Variants in CYTH3 observed in about 807,000 individuals in gnomAD.
CYTH3 encodes cytohesin 3.
CYTH3 carries 23 observed loss-of-function variants against 55.1 expected under a neutral mutation model. The observed-to-expected ratio is 0.42, with a 90% CI of 0.30 to 0.59. The LOEUF is 0.59. Among genes scored for constraint, CYTH3 ranks in the 20% least tolerant of loss-of-function variants. The probability of loss-of-function intolerance (pLI) is 0.20; values close to 1 mark genes in which losing one functional copy is unlikely to be tolerated. For synonymous variants in CYTH3, 249 were observed against 194.9 expected (o/e 1.28, Z -2.31); for missense variants, 413 against 524.8 (o/e 0.79, Z 2.08).
In CYTH3 at chr7:6,259,824, ATATATATAT is replaced by A. The variant is rs1780299928; in HGVS notation, c.34+12641_34+12649del. The stretch of plus-strand genomic sequence containing the variant: ...ATATATATATATATAATATATATAT[ATATATATAT>A]TTTTTTTTTTTTTTAAGACGGATTT... On this transcript the variant is annotated intron_variant, in intron 1 of 12. Coordinates refer to ENST00000350796, the MANE Select transcript of CYTH3 (RefSeq NM_004227.4). 3.7e-4 allele frequency among the ~76,000 whole-genome samples: 9 copies of A among 24,252 alleles called. No individual in the cohort carries two copies. In the South Asian group the frequency reaches 6.3e-3, roughly 17 times the overall value. The allele number at this position is 24,252 out of a possible 152,430, so 15.9% of individuals were successfully genotyped here.
rs780628614 is a variant in CYTH3, at chr7:6,172,771, G to A, written c.449+882C>T. The A allele has an allele frequency of 1.7e-5, 22 of 1,264,072 alleles. 1 individual carries two copies. The highest frequency in any genetic ancestry group is 2.5e-4 in the Middle Eastern group (1 of 4,010). 78.3% of individuals were successfully genotyped at this position (1,264,072 alleles called of 1,614,324 possible). On this transcript the variant is annotated intron_variant, in intron 6 of 12. Transcript: ENST00000350796. ...CTCTGGATGTACAGCTTCCAGAAACGCAATCTGATAAGCCTGAACTGCGGC... is the reference window on the plus strand; with the variant it reads ...CTCTGGATGTACAGCTTCCAGAAACACAATCTGATAAGCCTGAACTGCGGC...
At chr7:6,223,324 A>G (rs975959319) in intron 1 of CYTH3, among the ~76,000 whole-genome samples, 6 of 152,242 alleles carry the variant, frequency 3.9e-5, no homozygotes, top group African/African-American at 1.4e-4. Context: ...AGTGTACCCA[A>G]CAGCTCTGAA....
intron 1 of CYTH3, among the ~76,000 whole-genome samples, chr7:6,201,513 G>A (rs970860794): frequency 3.3e-5 from 5 of 152,156 alleles, no homozygotes; most frequent in East Asian, 1.9e-4. Context: ...TTGGCCACTG[G>A]TGCACCATTA....
chr7:6,210,631 C>T (rs1384570699), intron 1 of CYTH3, among the ~76,000 whole-genome samples: 3 of 152,184 alleles, frequency 2.0e-5, no homozygotes, highest in African/African-American at 7.2e-5. Context: ...AAATCTAAGA[C>T]AGAGTTCATG....
chr7:6,236,236 C>T (rs1402108837), intron 1 of CYTH3, among the ~76,000 whole-genome samples: 1 of 151,972 alleles, frequency 6.6e-6, no homozygotes, highest in East Asian at 1.9e-4. Flanking sequence ...CAGAGTCTTG[C>T]TTTGTTGCCC....
intron 6 of CYTH3, among the ~76,000 whole-genome samples, 173 bp downstream of exon 6, chr7:6,173,480 T>G (rs1356833362): frequency 6.6e-6 from 1 of 152,200 alleles, no homozygotes; most frequent in Non-Finnish European, 1.5e-5. Context: ...AATTCCTGTC[T>G]AGGGCTGCTC....
intron 5 of CYTH3, among the ~76,000 whole-genome samples, chr7:6,175,297 G>T (rs919955795): frequency 6.6e-6 from 1 of 152,026 alleles, no homozygotes; most frequent in Admixed American, 6.6e-5. Context: ...CACCATGCCC[G>T]GCCAGCCTTC....
intron 1 of CYTH3, among the ~76,000 whole-genome samples, chr7:6,194,699 C>T (rs980789336): frequency 6.6e-6 from 1 of 151,242 alleles, no homozygotes; most frequent in Non-Finnish European, 1.5e-5. Flanking sequence ...GTAAATAGGC[C>T]GGGCACGTGG....
At chr7:6,216,559 C>A (rs969379232) in intron 1 of CYTH3, among the ~76,000 whole-genome samples, 1 of 151,530 alleles carries the variant, frequency 6.6e-6, no homozygotes, top group African/African-American at 2.4e-5. Flanking sequence ...GTCAACACCG[C>A]AAGACCCCAT....
chr7:6,263,104 G>C (rs1397660256), intron 1 of CYTH3, among the ~76,000 whole-genome samples: 1 of 152,100 alleles, frequency 6.6e-6, no homozygotes. Flanking sequence ...ATGTCCATCT[G>C]ATTCTCCAAA....
At chr7:6,173,593 C>A in intron 6 of CYTH3, 60 bp downstream of exon 6, 1 of 1,085,144 alleles carries the variant, frequency 9.2e-7, no homozygotes, top group Non-Finnish European at 1.4e-6. Flanking sequence ...CACTGCTGCC[C>A]AGGCAGTGGT....
intron 5 of CYTH3, among the ~76,000 whole-genome samples, chr7:6,175,267 T>C (rs1783315069): frequency 6.6e-6 from 1 of 152,168 alleles, no homozygotes; most frequent in Admixed American, 6.5e-5. Context: ...AATCTGTAAC[T>C]GATGATTAGC....
At chr7:6,190,427 G>GTTTTTTTTT in intron 2 of CYTH3, 22 bp downstream of exon 2, 1 of 1,247,512 alleles carries the variant, frequency 8.0e-7, no homozygotes, top group Non-Finnish European at 1.0e-6. Context: ...TTGGATTTTT[G>GTTTTTTTTT]GTTTTTTTTT....
At chr7:6,267,762 T>G (rs1780538452) in intron 1 of CYTH3, among the ~76,000 whole-genome samples, 1 of 152,190 alleles carries the variant, frequency 6.6e-6, no homozygotes, top group Non-Finnish European at 1.5e-5. Context: ...GACCTCATGA[T>G]CTACCCGCCT....
At chr7:6,253,692 T>G (rs1235139864) in intron 1 of CYTH3, among the ~76,000 whole-genome samples, 1 of 152,124 alleles carries the variant, frequency 6.6e-6, no homozygotes, top group Non-Finnish European at 1.5e-5. Flanking sequence ...AGTAGGCACC[T>G]GTAGTCCCAG....
Position 6,261,928 on chromosome 7 carries a change from T to A in CYTH3, c.34+10546A>T, listed in dbSNP as rs376946229. ...CTTACAAGGCATCCAAATATCGGAG[T>A]TATCAGACACAGACTTTAAAATAAC... On this transcript the variant is annotated intron_variant, in intron 1 of 12. Coordinates refer to ENST00000350796, the MANE Select transcript of CYTH3 (RefSeq NM_004227.4). Among the ~76,000 whole-genome samples, 16 of 151,638 alleles carry A rather than the reference T, an allele frequency of 1.1e-4. 1 individual carries two copies. In the East Asian group the frequency reaches 2.7e-3, roughly 26 times the overall value.
At chr7:6,208,097 T>C (rs574090321) in intron 1 of CYTH3, among the ~76,000 whole-genome samples, 51 of 152,346 alleles carry the variant, frequency 3.3e-4, no homozygotes, top group Middle Eastern at 3.4e-3. Flanking sequence ...CTTCTCAGAC[T>C]TTTGGCTAAG....
chr7:6,226,638 T>C (rs1464738685), intron 1 of CYTH3, among the ~76,000 whole-genome samples: 1 of 152,058 alleles, frequency 6.6e-6, no homozygotes, highest in Non-Finnish European at 1.5e-5. Flanking sequence ...ACCCGTGTTG[T>C]GAGTATTTGT....
At chr7:6,195,791 G>A (rs1473151355) in intron 1 of CYTH3, among the ~76,000 whole-genome samples, 1 of 152,114 alleles carries the variant, frequency 6.6e-6, no homozygotes, top group Non-Finnish European at 1.5e-5. Flanking sequence ...ACCAAAGCCA[G>A]GGAAAGTCTA....
Sources: allele counts gnomAD v4.1 joint callset (sites outside exome capture counted in the v4.1 genomes callset), GRCh38; gene constraint gnomAD v4.1.1; transcripts MANE v1.5; gene names NCBI Gene and HGNC (gene_info 2026-07-23, HGNC 2026-07-21).